CD1A: variants seen among roughly 807,000 people sequenced by gnomAD.
CD1A encodes CD1a molecule, also known as T-cell surface glycoprotein CD1a.
Under a neutral mutation model 38.3 loss-of-function variants are expected in CD1A, and 50 were observed. That is an observed-to-expected ratio of 1.30 (90% CI 1.04 to 1.65). CD1A has a LOEUF of 1.65. Ranked by LOEUF, CD1A falls within the 40% of genes most tolerant of loss-of-function variation. The pLI, the probability that CD1A is intolerant of heterozygous loss-of-function variation, is 0.00. For synonymous variants in CD1A, 160 were observed against 150.8 expected, an observed-to-expected ratio of 1.06 and a Z score of -0.45; for missense variants, 459 against 406.1, an observed-to-expected ratio of 1.13 and a Z score of -1.12.
At chr1:158,254,031 G>GGTTTTTTTTT (rs1650154303), upstream of CD1A, 1 of 53,592 alleles carries the variant, frequency 1.9e-5, no homozygotes, top group African/African-American at 9.4e-5. Flanking sequence ...TGTTCCTGTG[G>GGTTTTTTTTT]TTTTTTTTTT....
In CD1A at chr1:158,255,101, T is replaced by C. The variant is rs1279522072; in HGVS notation, c.76T>C (p.Ser26Pro). Residue 26 changes from serine (S) to proline (P), a missense_variant, in exon 2 of 6, where the codon TCC becomes CCC. Ser to Pro is a moderately conservative substitution (Grantham distance 74, BLOSUM62 -1). Coordinates refer to ENST00000289429, the MANE Select transcript of CD1A (RefSeq NM_001763.3). ...TGTCGCAGGGCTCAAGGAGCCTCTC[T>C]CCTTCCATGTCACCTGGATCGCATC... The part of the protein sequence containing the change: ...GNADGLKEPL[S>P]FHVTWIASFY... 6.2e-7 allele frequency: 1 copy of C among 1,614,086 alleles called. No homozygotes were observed. The highest frequency in any genetic ancestry group is 1.1e-5 in the South Asian group (1 of 91,076).
upstream of CD1A, among the ~76,000 whole-genome samples, chr1:158,252,246 T>G (rs1445848634): frequency 3.3e-5 from 5 of 152,010 alleles, no homozygotes; most frequent in African/African-American, 7.3e-5. Context: ...AGAGGATTTA[T>G]CTGGTCTACA....
In CD1A at chr1:158,255,122, G is replaced by T. The variant is rs140904380; in HGVS notation, c.97G>T (p.Ala33Ser). ...TCTCTCCTTCCATGTCACCTGGATCGCATCCTTTTACAACCATTCCTGGAA... is the reference window on the plus strand; with the variant it reads ...TCTCTCCTTCCATGTCACCTGGATCTCATCCTTTTACAACCATTCCTGGAA... The part of the protein sequence containing the change: ...EPLSFHVTWI[A>S]SFYNHSWKQN... The change falls in exon 2 of 6, where the codon GCA becomes TCA. Residue 33 changes from alanine to serine, a missense_variant. Ala to Ser is a moderately conservative substitution (Grantham distance 99, BLOSUM62 1). Transcript: ENST00000289429. The T allele has an allele frequency of 5.0e-6, 8 of 1,613,904 alleles. No individual in the cohort carries two copies. The highest frequency in any genetic ancestry group is 5.1e-6 in the Non-Finnish European group (6 of 1,179,936).
At position 158,254,837 on chromosome 1, in the gene CD1A, T is replaced by C. The variant is rs1571117833; in HGVS notation, c.58+110T>C. The C allele has an allele frequency of 3.4e-6, 3 of 887,460 alleles. No homozygotes were observed. In the South Asian group the frequency reaches 4.1e-5, roughly 12 times the overall value. 55.0% of individuals were successfully genotyped at this position (887,460 alleles called of 1,614,324 possible). ...TGTGTGTGTGTGTGTGTGTGTGGTT[T>C]CCCTAGCATATACCTGGAAAGTGAG... On this transcript the variant is annotated intron_variant, in intron 1 of 5. Transcript: ENST00000289429.
intron 5 of CD1A, 25 bp downstream of exon 5, chr1:158,257,536 C>T: frequency 6.3e-7 from 1 of 1,599,340 alleles, no homozygotes; most frequent in South Asian, 1.1e-5. Context: ...TGTGTCTTTC[C>T]TACTCTTAGC....
At chr1:158,248,925 G>A in the CD1A span, among the ~76,000 whole-genome samples, 8 of 152,152 alleles carry the variant, frequency 5.3e-5, no homozygotes, top group Admixed American at 1.3e-4. Context: ...TGCTGCCTGC[G>A]TCTCTGATAA....
intron 5 of CD1A, 34 bp from the exon 6 acceptor site, chr1:158,257,647 A>T (rs370501761): frequency 1.2e-5 from 19 of 1,612,262 alleles, no homozygotes; most frequent in Admixed American, 3.3e-5. Flanking sequence ...GCTCCACCTT[A>T]TTCAGAGTGA....
In CD1A at chr1:158,254,599, G is replaced by A; in HGVS notation, c.-71G>A. The A allele has an allele frequency of 6.2e-7, 1 of 1,611,390 alleles. No homozygotes were observed. Among genetic ancestry groups the A allele is most frequent in the East Asian group, 2.2e-5 (1 of 44,818 alleles). ...AAGAAGTCAGAATAGAGATATCGTG[G>A]GGTAGGTTTGTTTGGAACAGAAATC... On this transcript the variant is annotated 5_prime_UTR_variant, in exon 1 of 6. Coordinates refer to ENST00000289429, the MANE Select transcript of CD1A (RefSeq NM_001763.3).
chr1:158,254,380 A>G, upstream of CD1A: 3 of 1,252,570 alleles, frequency 2.4e-6, no homozygotes, highest in South Asian at 3.4e-5. Flanking sequence ...TTTCAATGCC[A>G]CATCAGACTT....
intron 2 of CD1A, 80 bp from the exon 3 acceptor site, chr1:158,255,924 C>G: frequency 2.1e-6 from 3 of 1,398,054 alleles, no homozygotes; most frequent in Non-Finnish European, 9.8e-7. Flanking sequence ...ACACTTCCCC[C>G]TTCTGCTTCT....
upstream of CD1A, among the ~76,000 whole-genome samples, chr1:158,250,428 G>C (rs1172231656): frequency 6.6e-6 from 1 of 152,222 alleles, no homozygotes; most frequent in African/African-American, 2.4e-5. Flanking sequence ...CAACTATGAT[G>C]CTGCATTGGT....
chr1:158,256,042 C>T lies in CD1A; in HGVS notation c.364C>T (p.His122Tyr). The T allele has an allele frequency of 6.2e-7, 1 of 1,614,144 alleles. No homozygotes were observed. The highest frequency in any genetic ancestry group is 8.5e-7 in the Non-Finnish European group (1 of 1,180,018). Reference protein sequence around the residue: ...EIQVTGGCELHSGKVSGSFLQ... With the variant: ...EIQVTGGCELYSGKVSGSFLQ... ...ACAGGTGACAGGAGGCTGTGAGCTG[C>T]ACTCTGGAAAGGTCTCAGGAAGCTT... The change falls in exon 3 of 6, where the codon CAC becomes TAC. Residue 122 changes from histidine (H) to tyrosine (Y), a missense_variant. Coordinates refer to ENST00000289429, the MANE Select transcript of CD1A (RefSeq NM_001763.3).
At chr1:158,255,031 C>T in intron 1 of CD1A, 53 bp from the exon 2 acceptor site, 2 of 1,579,760 alleles carry the variant, frequency 1.3e-6, no homozygotes, top group South Asian at 2.3e-5. Flanking sequence ...CTTTCTCTCT[C>T]CATCCTCTTT....
chr1:158,252,240 G>A (rs1187921133), upstream of CD1A, among the ~76,000 whole-genome samples: 2 of 151,876 alleles, frequency 1.3e-5, no homozygotes, highest in Non-Finnish European at 2.9e-5. Flanking sequence ...CATGAGAGAG[G>A]ATTTATCTGG....
Position 158,256,229 on chromosome 1 carries a change from C to T in CD1A, c.551C>T (p.Pro184Leu). 1.9e-6 allele frequency: 3 copies of T among 1,614,114 alleles called. No individual in the cohort carries two copies. The highest frequency in any genetic ancestry group is 2.5e-6 in the Non-Finnish European group (3 of 1,180,004). Residue 184 changes from proline to leucine, a missense_variant, in exon 3 of 6, where the codon CCA becomes CTA. Pro to Leu is a moderately conservative substitution (Grantham distance 98, BLOSUM62 -3). Transcript: ENST00000289429. ...ITHNLLSDTC[P>L]RFILGLLDAG... ...CACAATCTTCTCAGTGACACCTGCC[C>T]ACGTTTCATCTTGGGTCTTCTTGAT...
chr1:158,248,868 G>A, the CD1A span, among the ~76,000 whole-genome samples: 1 of 152,058 alleles, frequency 6.6e-6, no homozygotes, highest in Non-Finnish European at 1.5e-5. Flanking sequence ...GAGTGGAGTT[G>A]GCTGGGAAAA....
intron 1 of CD1A, 110 bp from the exon 2 acceptor site, chr1:158,254,974 T>C (rs530539832): frequency 5.1e-5 from 58 of 1,135,820 alleles, no homozygotes; most frequent in Admixed American, 1.9e-5. Flanking sequence ...GCTAAGATCA[T>C]GATGGATCCC....
chr1:158,257,639 T>C, intron 5 of CD1A, 42 bp from the exon 6 acceptor site: 1 of 1,611,528 alleles, frequency 6.2e-7, no homozygotes, highest in Non-Finnish European at 8.5e-7. Flanking sequence ...AATTCTCAGC[T>C]CCACCTTATT....
chr1:158,254,781 CTCTCTGTG>C, intron 1 of CD1A, 54 bp downstream of exon 1: 1 of 1,038,442 alleles, frequency 9.6e-7, no homozygotes, highest in Admixed American at 1.8e-5. Context: ...CTCTCTCTCT[CTCTCTGTG>C]TGTGTGTGTG....
Sources: gnomAD v4.1 joint callset for allele counts (sites outside exome capture counted in the v4.1 genomes callset) on GRCh38, gnomAD v4.1.1 for gene constraint, MANE v1.5 for transcripts, NCBI Gene and HGNC (gene_info 2026-07-23, HGNC 2026-07-21) for gene names.